The following SGPP2 variants were observed in gnomAD, a reference collection of about 807,000 sequenced individuals.
The protein encoded by SGPP2 is sphingosine-1-phosphate phosphatase 2.
Under a neutral mutation model 33.9 loss-of-function variants are expected in SGPP2, and 30 were observed. That is an observed-to-expected ratio of 0.89 (90% CI 0.66 to 1.20). The LOEUF (loss-of-function observed/expected upper bound fraction) is 1.20, where lower values mean the gene tolerates loss of function less well. SGPP2 is among the 50% of genes most tolerant of loss of function. SGPP2 has a pLI of 0.00. For synonymous variants in SGPP2, 233 were observed against 225.0 expected (o/e 1.04, Z -0.32); for missense variants, 458 against 532.1 (o/e 0.86, Z 1.37).
rs71053082 is a variant in SGPP2, at chr2:222,434,975, TAC to T, written c.219+10190_219+10191del. ...ACAGACCTAACAGAATGGAGATATA[TAC>T]ACACACACACACACACACACACACA... On this transcript the variant is annotated intron_variant, in intron 1 of 4. Transcript: ENST00000321276. Among the ~76,000 whole-genome samples the T allele has an allele frequency of 1.7e-3, 252 of 146,086 alleles. 1 individual carries two copies. The highest frequency in any genetic ancestry group is 4.3e-3 in the African/African-American group (167 of 38,556).
At chr2:222,427,119 G>A (rs1458400415) in intron 1 of SGPP2, among the ~76,000 whole-genome samples, 4 of 152,042 alleles carry the variant, frequency 2.6e-5, no homozygotes, top group Admixed American at 1.3e-4. Context: ...ATTATTCCCC[G>A]CCCCTCCAGA....
At chr2:222,443,627 C>T (rs1335964926) in intron 1 of SGPP2, among the ~76,000 whole-genome samples, 1 of 152,132 alleles carries the variant, frequency 6.6e-6, no homozygotes, top group Admixed American at 6.6e-5. Flanking sequence ...CTGTGTTGTG[C>T]CAAGAGTAGA....
At chr2:222,509,263 G>C (rs1486028823) in intron 2 of SGPP2, among the ~76,000 whole-genome samples, 1 of 152,136 alleles carries the variant, frequency 6.6e-6, no homozygotes, top group Non-Finnish European at 1.5e-5. Flanking sequence ...TTGGGGTGAT[G>C]GGTGTCCCAG....
intron 2 of SGPP2, among the ~76,000 whole-genome samples, chr2:222,511,490 T>C (rs1381089869): frequency 2.6e-5 from 4 of 152,180 alleles, no homozygotes; most frequent in Admixed American, 2.0e-4. Flanking sequence ...TTATGGGTTT[T>C]TGCTTTCATG....
chr2:222,535,884 G>A (rs1190254008), intron 4 of SGPP2, among the ~76,000 whole-genome samples: 1 of 152,196 alleles, frequency 6.6e-6, no homozygotes, highest in Non-Finnish European at 1.5e-5. Context: ...AGACTCAGAA[G>A]TGCCAATTAA....
chr2:222,495,179 T>G (rs912198778), intron 2 of SGPP2, among the ~76,000 whole-genome samples: 4 of 152,140 alleles, frequency 2.6e-5, no homozygotes, highest in Admixed American at 6.5e-5. Context: ...CTTGGGAGGC[T>G]GAGGTGGGAG....
Position 222,424,813 on chromosome 2 carries a change from G to C in SGPP2, c.211G>C (p.Ala71Pro). The C allele has an allele frequency of 7.3e-7, 1 of 1,368,054 alleles. No individual in the cohort carries two copies. Among genetic ancestry groups the C allele is most frequent in the Non-Finnish European group, 9.4e-7 (1 of 1,063,222 alleles). 84.7% of individuals were successfully genotyped at this position (1,368,054 alleles called of 1,614,324 possible). A position where few individuals can be genotyped will look rare whatever the true frequency, so the allele number is the denominator to read the frequency against. The change falls in exon 1 of 5, where the codon GCG becomes CCG. Residue 71 changes from alanine to proline, a missense_variant. Coordinates refer to ENST00000321276, the MANE Select transcript of SGPP2 (RefSeq NM_152386.4). ...APANGLRRAA[A>P]PEAYVQKYVV... ...GGCCAACGGGCTGCGCAGAGCCGCG[G>C]CGCCGGAGGTAACCATGGGCAGGTG... is the stretch of plus-strand genomic sequence containing the variant.
chr2:222,434,336 C>A (rs1315724363), intron 1 of SGPP2, among the ~76,000 whole-genome samples: 2 of 152,112 alleles, frequency 1.3e-5, no homozygotes, highest in Non-Finnish European at 2.9e-5. Context: ...TGGGGCACAG[C>A]GCAATATCTC....
intron 2 of SGPP2, among the ~76,000 whole-genome samples, chr2:222,498,094 A>T (rs1440142209): frequency 7.2e-6 from 1 of 139,650 alleles, no homozygotes; most frequent in Non-Finnish European, 1.5e-5. Context: ...ACCCCTTCTC[A>T]GTCTCCTTTT....
chr2:222,554,947 C>T lies in SGPP2; in HGVS notation c.649-3400C>T, dbSNP rs574193455. Among the ~76,000 whole-genome samples the T allele has an allele frequency of 7.2e-5, 11 of 152,304 alleles. No individual in the cohort carries two copies. The South Asian group carries it at 2.3e-3, about 32-fold the overall frequency. ...CATGTATTGATCTGAGTGACCCCCG[C>T]CACGATAAAGAACAGTTGCATCATC... On this transcript the variant is annotated intron_variant, in intron 4 of 4. Transcript: ENST00000321276.
intron 1 of SGPP2, among the ~76,000 whole-genome samples, chr2:222,427,670 TA>T (rs1031202314): frequency 6.6e-6 from 1 of 152,226 alleles, no homozygotes; most frequent in African/African-American, 2.4e-5. Context: ...GACGTTGATT[TA>T]GGACCCTTCA....
chr2:222,511,528 G>A (rs750819439), intron 2 of SGPP2, among the ~76,000 whole-genome samples: 16 of 152,154 alleles, frequency 1.1e-4, no homozygotes, highest in Non-Finnish European at 2.1e-4. Flanking sequence ...TCAACCCAAA[G>A]AAGTATGATG....
In SGPP2 at chr2:222,424,816, C is replaced by T; in HGVS notation, c.214C>T (p.Pro72Ser). 6.6e-6 allele frequency: 9 copies of T among 1,365,078 alleles called. No homozygotes were observed. Among genetic ancestry groups the T allele is most frequent in the Middle Eastern group, 5.3e-4 (2 of 3,754 alleles). 84.6% of individuals were successfully genotyped at this position (1,365,078 alleles called of 1,614,324 possible). A position where few individuals can be genotyped will look rare whatever the true frequency, so the allele number is the denominator to read the frequency against. ...CAACGGGCTGCGCAGAGCCGCGGCG[C>T]CGGAGGTAACCATGGGCAGGTGTTC... ...PANGLRRAAA[P>S]EAYVQKYVVK... Residue 72 changes from proline to serine, a missense_variant, in exon 1 of 5, where the codon CCG becomes TCG. Pro to Ser is a moderately conservative substitution (Grantham distance 74). Transcript: ENST00000321276.
At position 222,559,161 on chromosome 2, in the gene SGPP2, GC is replaced by G. The variant is rs67613978; in HGVS notation, c.*277del. The stretch of plus-strand genomic sequence containing the variant: ...CCGGATCTTTAAAGGCACACACCGC[GC>G]CCCCCCCCCCCCCGCCCGGCCCCTG... On this transcript the variant is annotated 3_prime_UTR_variant, in exon 5 of 5. Transcript: ENST00000321276. The G allele has an allele frequency of 0.056, 1,675 of 29,710 alleles. 134 individuals are homozygous for G. Among genetic ancestry groups the G allele is most frequent in the African/African-American group, 0.15 (1,240 of 8,464 alleles). The allele number at this position is 29,710 out of a possible 1,614,324, so 1.8% of individuals were successfully genotyped here.
At chr2:222,425,392 CGCTT>C (rs1697049802) in intron 1 of SGPP2, among the ~76,000 whole-genome samples, 2 of 152,320 alleles carry the variant, frequency 1.3e-5, no homozygotes, top group South Asian at 4.1e-4. Context: ...CAGCAACTCT[CGCTT>C]GCCCTCCCCC....
intron 2 of SGPP2, among the ~76,000 whole-genome samples, chr2:222,480,082 C>A (rs1698006514): frequency 1.3e-5 from 2 of 152,142 alleles, no homozygotes; most frequent in South Asian, 2.1e-4. Context: ...TGAGTCACTA[C>A]CCCATGGCAT....
intron 1 of SGPP2, among the ~76,000 whole-genome samples, chr2:222,469,978 G>T (rs969212471): frequency 3.3e-5 from 5 of 152,172 alleles, no homozygotes; most frequent in Non-Finnish European, 7.3e-5. Flanking sequence ...CATGGATGAA[G>T]CTGGAAGCCA....
chr2:222,534,082 C>G (rs1334441070), intron 4 of SGPP2, among the ~76,000 whole-genome samples: 1 of 152,206 alleles, frequency 6.6e-6, no homozygotes, highest in Non-Finnish European at 1.5e-5. Context: ...GATATGCTCT[C>G]TGCATCTATA....
At chr2:222,488,422 C>A (rs905369683) in intron 2 of SGPP2, among the ~76,000 whole-genome samples, 1 of 152,160 alleles carries the variant, frequency 6.6e-6, no homozygotes, top group East Asian at 1.9e-4. Flanking sequence ...TGCAAGGGAT[C>A]GAGGTTGTGC....
Sources: gnomAD v4.1 joint callset for allele counts (sites outside exome capture counted in the v4.1 genomes callset) on GRCh38, gnomAD v4.1.1 for gene constraint, MANE v1.5 for transcripts, NCBI Gene and HGNC (gene_info 2026-07-23, HGNC 2026-07-21) for gene names.